Variants in MGLL observed in about 807,000 individuals in gnomAD.
MGLL encodes lysophospholipase homolog.
MGLL carries 7 observed loss-of-function variants against 29.1 expected under a neutral mutation model. The ratio of observed to expected loss-of-function variants is 0.24; its 90% CI spans 0.14 to 0.45. MGLL has a LOEUF of 0.45. MGLL is among the 20% of genes least tolerant of loss of function. The pLI is 0.99. For synonymous variants in MGLL, 148 were observed against 168.3 expected (o/e 0.88, Z 0.93); for missense variants, 356 against 413.6 (o/e 0.86, Z 1.21).
At chr3:127,764,857 A>T (rs1464338233) in intron 3 of MGLL, among the ~76,000 whole-genome samples, 6 of 152,194 alleles carry the variant, frequency 3.9e-5, no homozygotes. Flanking sequence ...GGCCCCCCAC[A>T]TAGAGGAGCT....
chr3:127,796,761 T>C (rs1474162936), intron 2 of MGLL, among the ~76,000 whole-genome samples: 1 of 152,192 alleles, frequency 6.6e-6, no homozygotes, highest in African/African-American at 2.4e-5. Flanking sequence ...GATAATTAAA[T>C]TCTAAAGTAG....
chr3:127,793,282 G>A (rs1235341115), intron 2 of MGLL, among the ~76,000 whole-genome samples: 2 of 152,218 alleles, frequency 1.3e-5, no homozygotes, highest in African/African-American at 2.4e-5. Flanking sequence ...GGAAGGGCCT[G>A]GCTTGGCAGA....
chr3:127,784,612 G>A (rs2077182900), intron 2 of MGLL, among the ~76,000 whole-genome samples: 1 of 152,078 alleles, frequency 6.6e-6, no homozygotes, highest in Admixed American at 6.5e-5. Context: ...GCACCTGTAG[G>A]CTTAGCCTTC....
rs186475850 is a variant in MGLL, at chr3:127,801,482, G to A, written c.156-19587C>T. The stretch of plus-strand genomic sequence containing the variant: ...AAATACAAAATTAGCCAGGCCTGGT[G>A]GTGCATGCCTGTAATCTCAGCTACT... On this transcript the variant is annotated intron_variant, in intron 2 of 7. Coordinates refer to ENST00000265052, the MANE Select transcript of MGLL (RefSeq NM_007283.7). Among the ~76,000 whole-genome samples the A allele has an allele frequency of 1.5e-3, 222 of 151,386 alleles. 1 individual carries two copies. The highest frequency in any genetic ancestry group is 5.2e-3 in the African/African-American group (213 of 41,282).
At chr3:127,729,673 C>G (rs894316952) in intron 3 of MGLL, among the ~76,000 whole-genome samples, 1 of 152,188 alleles carries the variant, frequency 6.6e-6, no homozygotes, top group Non-Finnish European at 1.5e-5. Flanking sequence ...TCATCCTTAT[C>G]ATGTGTTAAA....
chr3:127,791,507 C>A (rs762081461), intron 2 of MGLL, among the ~76,000 whole-genome samples: 3 of 152,166 alleles, frequency 2.0e-5, no homozygotes, highest in Non-Finnish European at 4.4e-5. Context: ...CCCCCTACCC[C>A]GACCCCTACC....
intron 2 of MGLL, among the ~76,000 whole-genome samples, chr3:127,798,568 T>C (rs994086633): frequency 6.6e-6 from 1 of 152,208 alleles, no homozygotes; most frequent in Admixed American, 6.5e-5. Flanking sequence ...TTCCCTCTGC[T>C]GTCACTCCCA....
chr3:127,765,920 G>A (rs1315585587), intron 3 of MGLL, among the ~76,000 whole-genome samples: 1 of 152,176 alleles, frequency 6.6e-6, no homozygotes, highest in Non-Finnish European at 1.5e-5. Flanking sequence ...GTGTGTTGGG[G>A]AAGAGGACAG....
chr3:127,801,269 T>C (rs1576307124), intron 2 of MGLL, among the ~76,000 whole-genome samples: 1 of 127,858 alleles, frequency 7.8e-6, no homozygotes, highest in African/African-American at 3.1e-5. Flanking sequence ...GCCATTGCAC[T>C]CCAGCCTGGG....
chr3:127,763,938 CA>C (rs957546463), intron 3 of MGLL, among the ~76,000 whole-genome samples: 4 of 152,190 alleles, frequency 2.6e-5, no homozygotes, highest in South Asian at 2.1e-4. Flanking sequence ...AAGGAAGACC[CA>C]GGTTCCGACA....
At chr3:127,734,973 C>T (rs1048762094) in intron 3 of MGLL, among the ~76,000 whole-genome samples, 16 of 152,324 alleles carry the variant, frequency 1.1e-4, no homozygotes, top group African/African-American at 3.8e-4. Context: ...GTGGTCAGGG[C>T]AATAAGACAG....
chr3:127,692,357 A>T, intron 7 of MGLL, 34 bp from the exon 8 acceptor site: 1 of 1,613,558 alleles, frequency 6.2e-7, no homozygotes, highest in Non-Finnish European at 8.5e-7. Context: ...TCAGAGCTGC[A>T]CCATCAGAGG....
At chr3:127,710,814 G>T in intron 5 of MGLL, 149 bp from the exon 6 acceptor site, 2 of 730,748 alleles carry the variant, frequency 2.7e-6, no homozygotes, top group Admixed American at 4.1e-5. Flanking sequence ...CCTTAAGCCT[G>T]CATGCCCAAG....
chr3:127,696,801 G>C lies in MGLL; in HGVS notation c.601-1611C>G, dbSNP rs180872687. On this transcript the variant is annotated intron_variant, in intron 6 of 7. Transcript: ENST00000265052. Reference sequence around the variant, plus strand: ...GGGCCACGTGGTGAGGACTGGGTGAGGGTCAGAGAGCATGTGGGGACGAGG... The same window carrying C: ...GGGCCACGTGGTGAGGACTGGGTGACGGTCAGAGAGCATGTGGGGACGAGG... Among the ~76,000 whole-genome samples the C allele has an allele frequency of 7.9e-4, 120 of 152,000 alleles. 2 individuals are homozygous for C. The highest frequency in any genetic ancestry group is 2.7e-3 in the African/African-American group (113 of 41,512).
chr3:127,760,910 G>A (rs1337864727), intron 3 of MGLL, among the ~76,000 whole-genome samples: 1 of 152,228 alleles, frequency 6.6e-6, no homozygotes, highest in Non-Finnish European at 1.5e-5. Flanking sequence ...AGGATTAAAT[G>A]GGGTGATCCG....
upstream of MGLL, chr3:127,822,614 G>T: frequency 2.2e-6 from 1 of 447,920 alleles, no homozygotes; most frequent in Non-Finnish European, 4.0e-6. Context: ...GAGGGGCTCG[G>T]AGAAGGGAGG....
chr3:127,721,198 G>T (rs1271127837), intron 4 of MGLL, 35 bp from the exon 5 acceptor site: 1 of 1,563,616 alleles, frequency 6.4e-7, no homozygotes, highest in South Asian at 1.1e-5. Flanking sequence ...GCTGTGTTCG[G>T]CTTGCACCAG....
intron 2 of MGLL, among the ~76,000 whole-genome samples, chr3:127,790,415 A>G (rs1292974700): frequency 1.3e-5 from 2 of 152,200 alleles, no homozygotes; most frequent in Non-Finnish European, 2.9e-5. Context: ...AAATGCACAC[A>G]TGCCAAGCTT....
At chr3:127,781,437 A>T (rs1427311704) in intron 3 of MGLL, among the ~76,000 whole-genome samples, 2 of 152,166 alleles carry the variant, frequency 1.3e-5, no homozygotes, top group Non-Finnish European at 2.9e-5. Context: ...ACTTGAACTG[A>T]CTACACAATG....
Sources: allele counts gnomAD v4.1 joint callset (sites outside exome capture counted in the v4.1 genomes callset), GRCh38; gene constraint gnomAD v4.1.1; transcripts MANE v1.5; gene names NCBI Gene and HGNC (gene_info 2026-07-23, HGNC 2026-07-21).